CTCF: variants seen among roughly 807,000 people sequenced by gnomAD.
The protein encoded by CTCF is CCCTC-binding factor, also known as transcriptional repressor CTCF.
CTCF carries 7 observed loss-of-function variants against 72.3 expected under a neutral mutation model. The ratio of observed to expected loss-of-function variants is 0.10; its 90% CI spans 0.06 to 0.18. The LOEUF is 0.18. Ranked by LOEUF, CTCF falls within the 10% of genes least tolerant of loss-of-function variation. The pLI is 1.00. For synonymous variants in CTCF, 374 were observed against 315.8 expected, an observed-to-expected ratio of 1.18 and a Z score of -1.95; for missense variants, 516 against 949.1, an observed-to-expected ratio of 0.54 and a Z score of 6.00.
chr16:67,591,190 G>T (rs2051739047), intron 2 of CTCF, among the ~76,000 whole-genome samples: 1 of 151,988 alleles, frequency 6.6e-6, no homozygotes, highest in South Asian at 2.1e-4. Context: ...CTACTCAGGA[G>T]GCTGAGGCTG....
chr16:67,604,731 TTTTTTTTTTTTTTGTTTTTTG>T (rs1265848423), intron 2 of CTCF, among the ~76,000 whole-genome samples: 3 of 113,142 alleles, frequency 2.7e-5, no homozygotes, highest in African/African-American at 2.2e-4. Context: ...TTCACCAGGG[TTTTTTTTTTTTTTGTTTTTTG>T]TTTTTTTTTT....
intron 7 of CTCF, among the ~76,000 whole-genome samples, chr16:67,622,241 A>AT (rs2052210173): frequency 6.6e-6 from 1 of 151,920 alleles, no homozygotes; most frequent in Non-Finnish European, 1.5e-5. Context: ...CTGTAGTCCC[A>AT]GCTACTCGGG....
intron 2 of CTCF, among the ~76,000 whole-genome samples, chr16:67,585,583 T>G (rs2051659040): frequency 6.6e-6 from 1 of 152,176 alleles, no homozygotes. Context: ...GCAGTATTGG[T>G]TAGCACTTCT....
At chr16:67,604,846 C>T (rs1293816442) in intron 2 of CTCF, among the ~76,000 whole-genome samples, 1 of 146,184 alleles carries the variant, frequency 6.8e-6, no homozygotes, top group Non-Finnish European at 1.5e-5. Context: ...TTCTATTGAA[C>T]AGTGCCAGCC....
chr16:67,636,545 C>CAA (rs57092222), intron 10 of CTCF, 145 bp from the exon 11 acceptor site: 76 of 153,272 alleles, frequency 5.0e-4, no homozygotes, highest in Middle Eastern at 3.6e-3. Flanking sequence ...GAGACTGTCT[C>CAA]AAAAAAAAAA....
chr16:67,612,222 T>C, intron 4 of CTCF, 101 bp downstream of exon 4: 2 of 1,039,732 alleles, frequency 1.9e-6, no homozygotes, highest in Non-Finnish European at 2.7e-6. Context: ...AGGAAGTTTT[T>C]ATTATTTCTT....
intron 2 of CTCF, among the ~76,000 whole-genome samples, chr16:67,601,001 T>A (rs2142789739): frequency 6.6e-6 from 1 of 152,242 alleles, no homozygotes; most frequent in African/African-American, 2.4e-5. Flanking sequence ...TGGGTATGTT[T>A]TGTACTAAGA....
intron 2 of CTCF, among the ~76,000 whole-genome samples, chr16:67,587,885 T>C (rs2051689087): frequency 6.6e-6 from 1 of 152,144 alleles, no homozygotes; most frequent in African/African-American, 2.4e-5. Context: ...TGTTTTGTTT[T>C]GAGACAGAGT....
At chr16:67,601,638 T>C (rs1195821787) in intron 2 of CTCF, among the ~76,000 whole-genome samples, 1 of 152,122 alleles carries the variant, frequency 6.6e-6, no homozygotes, top group Non-Finnish European at 1.5e-5. Flanking sequence ...ACTTTGTGTC[T>C]GATTTTTCTC....
At chr16:67,634,122 AT>A (rs1263316506) in intron 10 of CTCF, among the ~76,000 whole-genome samples, 1 of 152,116 alleles carries the variant, frequency 6.6e-6, no homozygotes, top group African/African-American at 2.4e-5. Context: ...TTTATTTATT[AT>A]TTTTTGGAAC....
chr16:67,634,279 C>G (rs2052400863), intron 10 of CTCF, among the ~76,000 whole-genome samples: 1 of 152,046 alleles, frequency 6.6e-6, no homozygotes, highest in Admixed American at 6.6e-5. Flanking sequence ...GTGATCTCAG[C>G]TCACTGCAAC....
chr16:67,568,682 G>A (rs1050093353), intron 1 of CTCF, among the ~76,000 whole-genome samples: 2 of 152,050 alleles, frequency 1.3e-5, no homozygotes, highest in Non-Finnish European at 2.9e-5. Flanking sequence ...CACTGTGCCC[G>A]GCCTGCCTGG....
At position 67,635,728 on chromosome 16, in the gene CTCF, A is replaced by T. The variant is rs141878300; in HGVS notation, c.1838-962A>T. 894 of 151,504 alleles carry T rather than the reference A, an allele frequency of 5.9e-3. 2 individuals are homozygous for T. The highest frequency in any genetic ancestry group is 0.026 in the South Asian group (121 of 4,700). 9.4% of individuals were successfully genotyped at this position (151,504 alleles called of 1,614,324 possible). On this transcript the variant is annotated intron_variant, in intron 10 of 11. Coordinates refer to ENST00000264010, the MANE Select transcript of CTCF (RefSeq NM_006565.4). Reference sequence around the variant, plus strand: ...GGTCTCAAACTCCCAACCTCAGGTGATACACCCACCTCAGCCTCCCAAAGT... The same window carrying T: ...GGTCTCAAACTCCCAACCTCAGGTGTTACACCCACCTCAGCCTCCCAAAGT...
intron 2 of CTCF, among the ~76,000 whole-genome samples, chr16:67,584,757 A>G (rs1431225904): frequency 2.0e-5 from 3 of 152,136 alleles, no homozygotes; most frequent in East Asian, 3.9e-4. Context: ...TCATCTGTCA[A>G]TCCCTTCATT....
intron 10 of CTCF, among the ~76,000 whole-genome samples, chr16:67,629,745 C>CTTTTTTTTTTTTTTTTTTTTTTTTTT (rs1567616725): frequency 1.2e-5 from 1 of 85,030 alleles, no homozygotes; most frequent in Non-Finnish European, 2.3e-5. Flanking sequence ...TCATTAATGC[C>CTTTTTTTTTTTTTTTTTTTTTTTTTT]CTTTTTTTTT....
At chr16:67,622,470 A>T (rs545312533) in intron 7 of CTCF, among the ~76,000 whole-genome samples, 1 of 152,184 alleles carries the variant, frequency 6.6e-6, no homozygotes, top group African/African-American at 2.4e-5. Flanking sequence ...AGTTGATACA[A>T]CTTGTAGTAC....
chr16:67,590,960 CAAAAAAAAAAA>C lies in CTCF; in HGVS notation c.-10+19709_-10+19719del, dbSNP rs58183374. 5.4e-3 allele frequency among the ~76,000 whole-genome samples: 299 copies of C among 55,152 alleles called. 2 individuals are homozygous for C. The highest frequency in any genetic ancestry group is 0.018 in the Middle Eastern group (1 of 56). 36.2% of individuals were successfully genotyped at this position (55,152 alleles called of 152,430 possible). Reference sequence around the variant, plus strand: ...TGGATGACAGAGTGAGACTCTGTCTCAAAAAAAAAAAAAAAAAAAAAAATGCTGGACTGGGT... The same window carrying C: ...TGGATGACAGAGTGAGACTCTGTCTCAAAAAAAAAAAATGCTGGACTGGGT... On this transcript the variant is annotated intron_variant, in intron 2 of 11. Coordinates refer to ENST00000264010, the MANE Select transcript of CTCF (RefSeq NM_006565.4).
chr16:67,579,637 A>T (rs1386326053), intron 2 of CTCF, among the ~76,000 whole-genome samples: 4 of 152,000 alleles, frequency 2.6e-5, no homozygotes, highest in African/African-American at 9.7e-5. Flanking sequence ...TGGCCTCCCA[A>T]CTGCCCAGGC....
chr16:67,628,031 G>T (rs1403439617), intron 8 of CTCF: 1 of 201,018 alleles, frequency 5.0e-6, no homozygotes, highest in African/African-American at 2.4e-5. Flanking sequence ...GGAGGTGGAG[G>T]TTGCAGCGAG....
Sources: allele counts gnomAD v4.1 joint callset (sites outside exome capture counted in the v4.1 genomes callset), GRCh38; gene constraint gnomAD v4.1.1; transcripts MANE v1.5; gene names NCBI Gene and HGNC (gene_info 2026-07-23, HGNC 2026-07-21).